EMSY: variants seen among roughly 807,000 people sequenced by gnomAD.
EMSY encodes EMSY transcriptional repressor, BRCA2 interacting.
In EMSY, 26 loss-of-function variants were observed where a neutral mutation model predicts 134.6. That is an observed-to-expected ratio of 0.19 (90% CI 0.14 to 0.27). The LOEUF (loss-of-function observed/expected upper bound fraction) is 0.27, where lower values mean the gene tolerates loss of function less well. Ranked by LOEUF, EMSY falls within the 10% of genes least tolerant of loss-of-function variation. The pLI is 1.00. For synonymous variants in EMSY, 579 were observed against 577.8 expected, an observed-to-expected ratio of 1.00 and a Z score of -0.03; for missense variants, 1,305 against 1,611.4, an observed-to-expected ratio of 0.81 and a Z score of 3.26.
intron 12 of EMSY, 103 bp from the exon 14 acceptor site, chr11:76,526,359 C>T: frequency 1.3e-6 from 1 of 754,866 alleles, no homozygotes; most frequent in Non-Finnish European, 2.0e-6. Context: ...AATCTACAGC[C>T]CTTTTTTCAT....
chr11:76,519,567 C>T (rs1474381503), intron 11 of EMSY, among the ~76,000 whole-genome samples: 1 of 152,100 alleles, frequency 6.6e-6, no homozygotes, highest in African/African-American at 2.4e-5. Flanking sequence ...ATCTTTAGTA[C>T]AGTGTCCAGG....
chr11:76,500,001 C>G (rs541230918), intron 9 of EMSY, among the ~76,000 whole-genome samples: 2 of 150,298 alleles, frequency 1.3e-5, no homozygotes, highest in East Asian at 3.9e-4. Context: ...TGCTTGAGCC[C>G]AGAAGTTTGA....
intron 15 of EMSY, among the ~76,000 whole-genome samples, chr11:76,537,420 T>G (rs1237723849): frequency 6.6e-6 from 1 of 152,250 alleles, no homozygotes; most frequent in African/African-American, 2.4e-5. Flanking sequence ...AATCATGTTA[T>G]GTACTGCTTA....
chr11:76,518,684 C>CATATATATATATAT (rs796392038), intron 11 of EMSY, among the ~76,000 whole-genome samples: 2,070 of 121,288 alleles, frequency 0.017, 42 homozygotes, highest in Middle Eastern at 0.05. Flanking sequence ...TGTGTGCGCG[C>CATATATATATATAT]ATATATATAT....
exon 6 of EMSY, chr11:76,460,002 T>C: frequency 6.2e-7 from 1 of 1,614,188 alleles, no homozygotes; most frequent in East Asian, 2.2e-5. Context: ...AGTGGCAGCA[T>C]AGCAACGGTT....
At chr11:76,518,703 A>ATATATATATATTTTT (rs57143914) in intron 11 of EMSY, among the ~76,000 whole-genome samples, 1 of 130,204 alleles carries the variant, frequency 7.7e-6, no homozygotes, top group Admixed American at 8.1e-5. Flanking sequence ...ATATATATAT[A>ATATATATATATTTTT]TTTTTTTTTT....
chr11:76,507,612 T>C (rs1477022053), intron 9 of EMSY, among the ~76,000 whole-genome samples: 1 of 152,174 alleles, frequency 6.6e-6, no homozygotes, highest in African/African-American at 2.4e-5. Context: ...TCAAGTTTTA[T>C]CACAAGATAG....
intron 15 of EMSY, among the ~76,000 whole-genome samples, chr11:76,537,255 CAAAG>C (rs1041986765): frequency 2.6e-5 from 4 of 152,122 alleles, no homozygotes; most frequent in African/African-American, 4.8e-5. Context: ...TTTCTAGAAA[CAAAG>C]AAGCCATTTT....
chr11:76,516,881 A>G (rs747160947), intron 11 of EMSY: 1 of 152,154 alleles, frequency 6.6e-6, no homozygotes, highest in Non-Finnish European at 1.5e-5. Context: ...GCTTTTCAGA[A>G]ATATTTTACT....
At position 76,535,660 on chromosome 11, in the gene EMSY, C is replaced by G. The variant is rs140899337; in HGVS notation, c.2195-235C>G. 3.2e-4 allele frequency among the ~76,000 whole-genome samples: 48 copies of G among 152,212 alleles called. No homozygotes were observed. The East Asian group carries it at 8.9e-3, about 28-fold the overall frequency. On this transcript the variant is annotated intron_variant, in intron 14 of 20. Coordinates refer to ENST00000334736, the Ensembl canonical transcript of EMSY. The stretch of plus-strand genomic sequence containing the variant: ...ATATCTTCAATGCCATATCTAGATT[C>G]TGGCACATAAGTGTCCAGTTTGTTG...
intron 9 of EMSY, 49 bp from the exon 11 acceptor site, chr11:76,513,337 A>G (rs1266486396): frequency 6.3e-7 from 1 of 1,591,016 alleles, no homozygotes; most frequent in Admixed American, 1.7e-5. Context: ...TATAAGGGAC[A>G]TGTATTTAAA....
intron 9 of EMSY, among the ~76,000 whole-genome samples, chr11:76,504,273 C>T (rs1001668891): frequency 1.3e-4 from 19 of 149,568 alleles, no homozygotes; most frequent in Non-Finnish European, 2.2e-4. Context: ...TAAAATGGTA[C>T]AGATATATGA....
chr11:76,529,073 C>G (rs558585524), intron 14 of EMSY, among the ~76,000 whole-genome samples: 38 of 152,188 alleles, frequency 2.5e-4, no homozygotes, highest in African/African-American at 8.7e-4. Flanking sequence ...AACTCTTTGT[C>G]CTCGGTGCTG....
At chr11:76,456,817 A>G (rs371481611) in intron 4 of EMSY, among the ~76,000 whole-genome samples, 21 of 152,174 alleles carry the variant, frequency 1.4e-4, no homozygotes, top group Admixed American at 6.5e-4. Context: ...TTAAATTGTA[A>G]AAGTGATTTA....
At chr11:76,505,033 A>G (rs1205176392) in intron 9 of EMSY, among the ~76,000 whole-genome samples, 1 of 152,190 alleles carries the variant, frequency 6.6e-6, no homozygotes, top group African/African-American at 2.4e-5. Context: ...GGAGTAGTAG[A>G]TCATATTATG....
intron 11 of EMSY, among the ~76,000 whole-genome samples, chr11:76,519,316 T>C (rs1006059662): frequency 2.6e-5 from 4 of 152,180 alleles, no homozygotes; most frequent in African/African-American, 9.6e-5. Context: ...CCACCTGCCT[T>C]GGGCTCCCAA....
intron 9 of EMSY, among the ~76,000 whole-genome samples, chr11:76,503,042 G>A (rs555957251): frequency 1.1e-3 from 167 of 152,064 alleles, no homozygotes; most frequent in Non-Finnish European, 1.9e-3. Context: ...GGCTCCTCCC[G>A]GTAATTCCAG....
intron 14 of EMSY, among the ~76,000 whole-genome samples, chr11:76,532,257 G>A (rs1382077925): frequency 8.6e-5 from 13 of 151,954 alleles, no homozygotes; most frequent in Admixed American, 3.9e-4. Flanking sequence ...AAGTTTCACC[G>A]AATGAACAAA....
At chr11:76,472,488 T>C (rs1181136976) in intron 7 of EMSY, 76 bp from the exon 9 acceptor site, 5 of 1,323,236 alleles carry the variant, frequency 3.8e-6, no homozygotes, top group Non-Finnish European at 5.2e-6. Flanking sequence ...TTTTAAATTA[T>C]ATATAACTAA....
Sources: gnomAD v4.1 joint callset for allele counts (sites outside exome capture counted in the v4.1 genomes callset) on GRCh38, gnomAD v4.1.1 for gene constraint, MANE v1.5 for transcripts, NCBI Gene and HGNC (gene_info 2026-07-23, HGNC 2026-07-21) for gene names.